NBPF11: variants seen among roughly 807,000 people sequenced by gnomAD.
NBPF11 encodes the protein NBPF member 11.
Under a neutral mutation model 93.9 loss-of-function variants are expected in NBPF11, and 72 were observed. The ratio of observed to expected loss-of-function variants is 0.77; its 90% CI spans 0.63 to 0.93. The LOEUF (loss-of-function observed/expected upper bound fraction) is 0.93, where lower values mean the gene tolerates loss of function less well. Ranked by LOEUF, NBPF11 falls within the 40% of genes least tolerant of loss-of-function variation. The pLI is 0.00. For missense variants in NBPF11, 705 were observed against 802.2 expected, an observed-to-expected ratio of 0.88 and a Z score of 1.46; for synonymous variants, 224 against 304.9, an observed-to-expected ratio of 0.73 and a Z score of 2.76.
At position 148,108,626 on chromosome 1, in the gene NBPF11, C is replaced by T. The variant is rs1664401647; in HGVS notation, c.1882G>A (p.Glu628Lys). The change falls in exon 18 of 24, where the codon GAG becomes AAG. Residue 628 changes from glutamate (E) to lysine (K), a missense_variant. Glu to Lys is a moderately conservative substitution (Grantham distance 56, BLOSUM62 1). Coordinates refer to ENST00000682118, the MANE Select transcript of NBPF11 (RefSeq NM_001385469.3). ...RLSRELLDEKEPEVLQDSLDR... is the reference protein window; with the variant it reads ...RLSRELLDEKKPEVLQDSLDR... ...AGTGAGTCCTGCAAGACTTCAGGCT[C>T]TTTCTCATCCAGCAGCTCCCTGCTG... The T allele has an allele frequency of 4.2e-6, 6 of 1,419,870 alleles. No homozygotes were observed. The highest frequency in any genetic ancestry group is 3.4e-5 in the Admixed American group (2 of 59,700). 88.0% of individuals were successfully genotyped at this position (1,419,870 alleles called of 1,614,324 possible). A position where few individuals can be genotyped will look rare whatever the true frequency, so the allele number is the denominator to read the frequency against.
intron 20 of NBPF11, 27 bp from the exon 21 acceptor site, chr1:148,106,259 C>A (rs1480113924): frequency 6.4e-6 from 4 of 625,894 alleles, no homozygotes; most frequent in Admixed American, 2.9e-5. Flanking sequence ...CAGGGACAGA[C>A]AAAATAAGCC....
intron 13 of NBPF11, 139 bp downstream of exon 13, chr1:148,116,324 C>G (rs1666534354): frequency 1.1e-6 from 1 of 874,460 alleles, no homozygotes; most frequent in African/African-American, 1.6e-5. Context: ...CACCCTGTGT[C>G]TAAGCTGGGT....
At chr1:148,106,362 C>A in intron 20 of NBPF11, 130 bp from the exon 21 acceptor site, 1 of 715,524 alleles carries the variant, frequency 1.4e-6, no homozygotes, top group African/African-American at 1.8e-5. Context: ...GAGGGATATA[C>A]TTCAGGAGGC....
intron 4 of NBPF11, among the ~76,000 whole-genome samples, chr1:148,131,196 A>T (rs1190270668): frequency 6.6e-6 from 1 of 150,852 alleles, no homozygotes; most frequent in Non-Finnish European, 1.5e-5. Flanking sequence ...GCCCTTATAC[A>T]AAGGCTGGAA....
intron 2 of NBPF11, among the ~76,000 whole-genome samples, chr1:148,141,882 C>T (rs1449422319): frequency 6.6e-5 from 10 of 151,072 alleles, no homozygotes; most frequent in South Asian, 2.1e-4. Flanking sequence ...TTTTGATAAG[C>T]AATGTAGATT....
intron 20 of NBPF11, 151 bp from the exon 21 acceptor site, chr1:148,106,383 G>C (rs1242215121): frequency 7.5e-6 from 5 of 662,980 alleles, no homozygotes; most frequent in African/African-American, 1.9e-5. Flanking sequence ...CTGAAAGCTG[G>C]TCATGATATT....
chr1:148,105,635 G>A, intron 21 of NBPF11, 107 bp from the exon 22 acceptor site: 1 of 681,402 alleles, frequency 1.5e-6, no homozygotes, highest in East Asian at 2.8e-5. Flanking sequence ...AAAGTAAAAG[G>A]ATAGATCTAT....
intron 3 of NBPF11, among the ~76,000 whole-genome samples, chr1:148,136,350 C>A (rs1435407969): frequency 6.6e-6 from 1 of 151,524 alleles, no homozygotes; most frequent in East Asian, 1.9e-4. Context: ...TGGATACATT[C>A]TTGTATTCAA....
intron 1 of NBPF11, among the ~76,000 whole-genome samples, chr1:148,149,779 A>G (rs1394020047): frequency 6.8e-6 from 1 of 147,654 alleles, no homozygotes; most frequent in Non-Finnish European, 1.5e-5. Context: ...GAAATTAAAG[A>G]TTTAAAATTA....
chr1:148,126,467 T>C (rs1326982398), intron 5 of NBPF11, among the ~76,000 whole-genome samples: 1 of 151,768 alleles, frequency 6.6e-6, no homozygotes, highest in African/African-American at 2.4e-5. Context: ...TTGAACTGAA[T>C]AAAAGTTCAC....
chr1:148,146,349 T>C (rs1340941699), intron 1 of NBPF11: 2 of 1,466,664 alleles, frequency 1.4e-6, no homozygotes, highest in African/African-American at 3.0e-5. Context: ...CGGGCGGCGT[T>C]GTTGGCGGGG....
rs1553273813 is a variant in NBPF11, at chr1:148,129,125, G to GTATTATTTATATATACACATGTATATA, written c.-35-2114_-35-2088dup. Among the ~76,000 whole-genome samples, 47 of 142,080 alleles carry GTATTATTTATATATACACATGTATATA rather than the reference G, an allele frequency of 3.3e-4. No individual in the cohort carries two copies. The East Asian group carries it at 8.3e-3, about 25-fold the overall frequency. The allele number at this position is 142,080 out of a possible 152,430, so 93.2% of individuals were successfully genotyped here. A position where few individuals can be genotyped will look rare whatever the true frequency, so the allele number is the denominator to read the frequency against. ...ATATAATATATATACACGTGTATATGTATTATTTATATATACACATGTATA... is the reference window on the plus strand; with the variant it reads ...ATATAATATATATACACGTGTATATGTATTATTTATATATACACATGTATATATATTATTTATATATACACATGTATA... On this transcript the variant is annotated intron_variant, in intron 4 of 23. Coordinates refer to ENST00000682118, the MANE Select transcript of NBPF11 (RefSeq NM_001385469.3).
intron 1 of NBPF11, among the ~76,000 whole-genome samples, chr1:148,148,234 G>A (rs1217473660): frequency 5.3e-5 from 8 of 152,230 alleles, no homozygotes; most frequent in African/African-American, 7.2e-5. Flanking sequence ...GGCCAGGGAC[G>A]GGGACAGCCC....
intron 20 of NBPF11, 82 bp downstream of exon 20, chr1:148,106,860 G>C: frequency 1.2e-6 from 1 of 803,078 alleles, no homozygotes; most frequent in South Asian, 1.3e-5. Context: ...TCTCGGGTCA[G>C]TAAGGGCCAC....
chr1:148,117,083 T>A (rs1666744895), intron 12 of NBPF11, among the ~76,000 whole-genome samples: 1 of 152,014 alleles, frequency 6.6e-6, no homozygotes, highest in South Asian at 2.1e-4. Context: ...GGAGAGGGGC[T>A]TCATCTCATT....
rs1443067577 is a variant in NBPF11 at position 148,130,513 on chromosome 1, G to A, written c.-35-3475C>T. 4.0e-3 allele frequency among the ~76,000 whole-genome samples: 607 copies of A among 151,656 alleles called. 14 individuals are homozygous for A. The highest frequency in any genetic ancestry group is 0.013 in the African/African-American group (517 of 41,138). ...CTCACCAATTGCTTTTAGGGGCCTC[G>A]TACCTGCTTCATTGCATGTATTGTT... On this transcript the variant is annotated intron_variant, in intron 4 of 23. Coordinates refer to ENST00000682118, the MANE Select transcript of NBPF11 (RefSeq NM_001385469.3).
At chr1:148,150,198 C>T (rs1455591956) in intron 1 of NBPF11, among the ~76,000 whole-genome samples, 2 of 146,880 alleles carry the variant, frequency 1.4e-5, no homozygotes, top group Non-Finnish European at 3.0e-5. Flanking sequence ...GCCATCCAGG[C>T]CAGAGTGCAC....
chr1:148,115,933 C>T lies in NBPF11; in HGVS notation c.1445G>A (p.Cys482Tyr), dbSNP rs1237284840. 3.6e-5 allele frequency: 57 copies of T among 1,586,258 alleles called. 3 individuals carry two copies. The highest frequency in any genetic ancestry group is 4.6e-5 in the Non-Finnish European group (53 of 1,163,968). ...EDSLEECAIT[C>Y]SNSHGPYDSN... is the part of the protein sequence containing the mutation. ...GTCATAAGGGCCATGGCTATTTGAACAAGTGATGGCACACTCCTCCAGTGA... is the reference window on the plus strand; with the variant it reads ...GTCATAAGGGCCATGGCTATTTGAATAAGTGATGGCACACTCCTCCAGTGA... Residue 482 changes from cysteine to tyrosine, a missense_variant, in exon 14 of 24, where the codon TGT (cysteine) becomes TAT (tyrosine). Around this residue, in one of 12 missense-constraint regions of NBPF11, gnomAD observed 54 missense variants for 91.8 expected, o/e 0.59. Coordinates refer to ENST00000682118, the MANE Select transcript of NBPF11 (RefSeq NM_001385469.3).
At chr1:148,104,358 G>A (rs1328380941) in intron 23 of NBPF11, among the ~76,000 whole-genome samples, 179 bp downstream of exon 23, 2 of 147,290 alleles carry the variant, frequency 1.4e-5, no homozygotes, top group South Asian at 4.2e-4. Context: ...GTTAGTAAAT[G>A]ATAAGGGGAG....
Sources: allele counts gnomAD v4.1 joint callset (sites outside exome capture counted in the v4.1 genomes callset), GRCh38; gene constraint gnomAD v4.1.1; regional missense constraint gnomAD v4.1.1; transcripts MANE v1.5; gene names NCBI Gene and HGNC (gene_info 2026-07-23, HGNC 2026-07-21).